The following ARID4B variants were observed in gnomAD, a reference collection of about 807,000 sequenced individuals.
ARID4B encodes the protein AT-rich interactive domain-containing protein 4B.
In ARID4B, 26 loss-of-function variants were observed where a neutral mutation model predicts 147.5. That is an observed-to-expected ratio of 0.18 (90% CI 0.13 to 0.24). ARID4B has a LOEUF of 0.24. ARID4B is among the 10% of genes least tolerant of loss of function. The probability of loss-of-function intolerance (pLI) is 1.00; values close to 1 mark genes in which losing one functional copy is unlikely to be tolerated. For synonymous variants in ARID4B, 512 were observed against 507.9 expected, an observed-to-expected ratio of 1.01 and a Z score of -0.11; for missense variants, 1,179 against 1,511.5, an observed-to-expected ratio of 0.78 and a Z score of 3.65.
chr1:235,271,872 C>G (rs562146089), intron 2 of ARID4B, among the ~76,000 whole-genome samples: 8 of 151,184 alleles, frequency 5.3e-5, no homozygotes, highest in Admixed American at 4.6e-4. Flanking sequence ...TCACTTAAAC[C>G]CAGGAGGTGG....
rs780124987 is a variant in ARID4B at position 235,229,232 on chromosome 1, T to A, written c.896A>T (p.Glu299Val). ...KEKEDNSSEE[E>V]EEIEPFPEER... is the part of the protein sequence containing the mutation. ...AAGGTATCAACTGTTTTCACTTACT[T>A]CTTCTTCACTGCTATTATCCTCCTT... Residue 299 changes from glutamate (E) to valine (V), a missense_variant and splice_region_variant, in exon 11 of 24, where the codon GAA (glutamate) becomes GTA (valine). This residue lies in a region of ARID4B where 159 missense variants were observed against 190.5 expected (regional missense o/e 0.83). Transcript: ENST00000264183. 3 of 1,608,550 alleles carry A rather than the reference T, an allele frequency of 1.9e-6. No individual in the cohort carries two copies. The highest frequency in any genetic ancestry group is 1.3e-5 in the African/African-American group (1 of 74,662).
intron 17 of ARID4B, among the ~76,000 whole-genome samples, chr1:235,210,796 C>A (rs901067505): frequency 1.4e-4 from 22 of 152,144 alleles, no homozygotes; most frequent in African/African-American, 5.3e-4. Flanking sequence ...GCATTTTCCT[C>A]CCTATATTAT....
In ARID4B at chr1:235,182,248, T is replaced by G. The variant is rs761966680; in HGVS notation, c.2671A>C (p.Thr891Pro). ...GAAAATCCTGAATAGAAACCAGTTG[T>G]CCGTAGAGATTTTCTTTTTTCCTCC... The part of the protein sequence containing the change: ...GLEEKRKSLR[T>P]TGFYSGFSEV... Residue 891 changes from threonine to proline, a missense_variant, in exon 20 of 24, where the codon ACA becomes CCA. By Grantham distance (38) the Thr-to-Pro change is conservative. Transcript: ENST00000264183. 3.1e-6 allele frequency: 5 copies of G among 1,612,956 alleles called. No individual in the cohort carries two copies. In the South Asian group the frequency reaches 5.5e-5, roughly 18 times the overall value.
At position 235,182,713 on chromosome 1, in the gene ARID4B, A is replaced by G. The variant is rs1201479297; in HGVS notation, c.2206T>C (p.Ser736Pro). ...TTGTTGGTCAAATGATCAATCTTAG[A>G]TTCCTCTTTGCCATTATTATCCATG... ...QDMDNNGKEE[S>P]KIDHLTNNRN... The change falls in exon 20 of 24, where the codon TCT becomes CCT. Residue 736 changes from serine to proline, a missense_variant. Around this residue, in one of 10 missense-constraint regions of ARID4B, gnomAD observed 321 missense variants for 342.4 expected, o/e 0.94. Coordinates refer to ENST00000264183, the MANE Select transcript of ARID4B (RefSeq NM_016374.6). The G allele has an allele frequency of 2.5e-6, 4 of 1,613,544 alleles. No individual in the cohort carries two copies. Among genetic ancestry groups the G allele is most frequent in the Non-Finnish European group, 3.4e-6 (4 of 1,179,986 alleles).
chr1:235,213,630 G>T, intron 17 of ARID4B, 139 bp downstream of exon 17: 1 of 899,320 alleles, frequency 1.1e-6, no homozygotes, highest in Non-Finnish European at 1.6e-6. Flanking sequence ...GTATTTACAT[G>T]CTAAAAACTA....
At chr1:235,171,416 G>A (rs960491005) in intron 23 of ARID4B, among the ~76,000 whole-genome samples, 5 of 152,076 alleles carry the variant, frequency 3.3e-5, no homozygotes, top group Admixed American at 2.0e-4. Context: ...CTGGGCGACA[G>A]AGCAAAACTC....
At chr1:235,222,047 C>A (rs953060722) in intron 13 of ARID4B, among the ~76,000 whole-genome samples, 1 of 151,640 alleles carries the variant, frequency 6.6e-6, no homozygotes, top group African/African-American at 2.4e-5. Flanking sequence ...GTAGCTGGGA[C>A]TATAGATGCA....
intron 2 of ARID4B, among the ~76,000 whole-genome samples, chr1:235,306,866 C>T (rs1356571376): frequency 5.9e-5 from 9 of 152,028 alleles, no homozygotes; most frequent in African/African-American, 2.2e-4. Context: ...CGATGTTGGC[C>T]GGGCTAGTCT....
At position 235,182,024 on chromosome 1, in the gene ARID4B, T is replaced by C. The variant is rs1347828046; in HGVS notation, c.2895A>G (p.Ala965=). Residue 965 remains alanine (A), a synonymous_variant, in exon 20 of 24, where the codon GCA becomes GCG. Coordinates refer to ENST00000264183, the MANE Select transcript of ARID4B (RefSeq NM_016374.6). ...CAGCCACAGTCTGCAGTGACTCCTC[T>C]GCCACCCCCTCCTCTGGGGCAGGAT... ...PPHPAPEEGV[A]EESLQTVAEE... 1 of 1,614,166 alleles carries C rather than the reference T, an allele frequency of 6.2e-7. No individual in the cohort carries two copies. Among genetic ancestry groups the C allele is most frequent in the South Asian group, 1.1e-5 (1 of 91,088 alleles).
rs577645081 is a variant in ARID4B, at chr1:235,274,066, G to C, written c.7-13314C>G. On this transcript the variant is annotated intron_variant, in intron 2 of 23. Transcript: ENST00000264183. ...CTAGTTTGGTGCAAAACTAATTGTGGTCTTTGCCATTAAAAGTAATTGCAT... is the reference window on the plus strand; with the variant it reads ...CTAGTTTGGTGCAAAACTAATTGTGCTCTTTGCCATTAAAAGTAATTGCAT... 8.9e-4 allele frequency among the ~76,000 whole-genome samples: 136 copies of C among 152,156 alleles called. 1 individual carries two copies. Among genetic ancestry groups the C allele is most frequent in the African/African-American group, 3.2e-3 (134 of 41,514 alleles).
intron 8 of ARID4B, among the ~76,000 whole-genome samples, chr1:235,239,088 T>C (rs1178019422): frequency 6.6e-6 from 1 of 151,958 alleles, no homozygotes; most frequent in Admixed American, 6.6e-5. Flanking sequence ...GTTCAAGCTA[T>C]TCTCCTGCCT....
chr1:235,192,659 T>C (rs533986329), intron 19 of ARID4B, among the ~76,000 whole-genome samples: 1 of 151,526 alleles, frequency 6.6e-6, no homozygotes, highest in Non-Finnish European at 1.5e-5. Context: ...TGAGAAATGA[T>C]AAGATATTTT....
intron 8 of ARID4B, among the ~76,000 whole-genome samples, chr1:235,238,929 G>A (rs1668800674): frequency 6.6e-6 from 1 of 150,554 alleles, no homozygotes; most frequent in African/African-American, 2.4e-5. Context: ...AATCATCATA[G>A]GACAATTCAG....
chr1:235,323,511 G>GC (rs757976574), intron 2 of ARID4B, among the ~76,000 whole-genome samples: 3 of 152,112 alleles, frequency 2.0e-5, no homozygotes, highest in Non-Finnish European at 4.4e-5. Flanking sequence ...TCGGCCGGGC[G>GC]CAGTGGCTCA....
intron 2 of ARID4B, among the ~76,000 whole-genome samples, chr1:235,292,487 A>G (rs1672401955): frequency 6.6e-6 from 1 of 152,076 alleles, no homozygotes; most frequent in South Asian, 2.1e-4. Context: ...GTGGTGGCTC[A>G]TGCCTGTAAT....
intron 2 of ARID4B, among the ~76,000 whole-genome samples, chr1:235,280,001 C>T (rs1209684601): frequency 1.3e-5 from 2 of 152,178 alleles, no homozygotes; most frequent in Non-Finnish European, 1.5e-5. Flanking sequence ...GCTTCCTATC[C>T]TCTTGTAATA....
At chr1:235,296,846 G>GGAGGGAGGA (rs1553313981) in intron 2 of ARID4B, among the ~76,000 whole-genome samples, 1 of 139,512 alleles carries the variant, frequency 7.2e-6, no homozygotes, top group African/African-American at 2.6e-5. Flanking sequence ...AGGGAGGAAG[G>GGAGGGAGGA]AGGGAGGGAA....
chr1:235,315,659 T>C (rs1674375617), intron 2 of ARID4B, among the ~76,000 whole-genome samples: 1 of 152,170 alleles, frequency 6.6e-6, no homozygotes, highest in African/African-American at 2.4e-5. Context: ...CCCAGAGAAT[T>C]AGCCCGTTCT....
chr1:235,215,416 C>T (rs1293031870), intron 16 of ARID4B, among the ~76,000 whole-genome samples: 2 of 151,778 alleles, frequency 1.3e-5, no homozygotes, highest in East Asian at 3.9e-4. Context: ...GCAGAACAAC[C>T]AGATAGTTTA....
Sources: allele counts gnomAD v4.1 joint callset (sites outside exome capture counted in the v4.1 genomes callset), GRCh38; gene constraint gnomAD v4.1.1; regional missense constraint gnomAD v4.1.1; transcripts MANE v1.5; gene names NCBI Gene and HGNC (gene_info 2026-07-23, HGNC 2026-07-21).